Variants in PTPRD observed in about 807,000 individuals in gnomAD.
PTPRD encodes the protein receptor-type tyrosine-protein phosphatase delta.
PTPRD carries 34 observed loss-of-function variants against 214.5 expected under a neutral mutation model. That is an observed-to-expected ratio of 0.16 (90% CI 0.12 to 0.21). PTPRD has a LOEUF of 0.21. Ranked by LOEUF, PTPRD falls within the 10% of genes least tolerant of loss-of-function variation. The pLI, the probability that PTPRD is intolerant of heterozygous loss-of-function variation, is 1.00. For synonymous variants in PTPRD, 1,128 were observed against 845.7 expected, an observed-to-expected ratio of 1.33 and a Z score of -5.79; for missense variants, 2,545 against 2,398.7, an observed-to-expected ratio of 1.06 and a Z score of -1.27.
At chr9:9,044,673 C>G (rs1590395792) in intron 10 of PTPRD, among the ~76,000 whole-genome samples, 1 of 152,202 alleles carries the variant, frequency 6.6e-6, no homozygotes, top group African/African-American at 2.4e-5. Context: ...CAAGTCAATA[C>G]AAACTGACTA....
At chr9:9,592,375 CGTT>C (rs1250720045) in intron 7 of PTPRD, among the ~76,000 whole-genome samples, 11 of 151,992 alleles carry the variant, frequency 7.2e-5, no homozygotes, top group East Asian at 5.8e-4. Flanking sequence ...AACACACTGT[CGTT>C]GTGTTTCTTC....
rs373037014 is a variant in PTPRD at position 9,416,653 on chromosome 9, T to G, written c.-236-19171A>C. On this transcript the variant is annotated intron_variant, in intron 8 of 45. Transcript: ENST00000381196. The stretch of plus-strand genomic sequence containing the variant: ...CGTGCTCTCCCTTTTCCTCAGGACT[T>G]TAACATGCTCTGCTTTCTCCTAAGA... Among the ~76,000 whole-genome samples the G allele has an allele frequency of 5.1e-4, 78 of 152,258 alleles. 1 individual carries two copies. The South Asian group carries it at 0.015, about 30-fold the overall frequency.
chr9:8,787,247 T>C (rs1043690935), intron 11 of PTPRD, among the ~76,000 whole-genome samples: 3 of 152,324 alleles, frequency 2.0e-5, no homozygotes, highest in South Asian at 2.1e-4. Flanking sequence ...CAGATTTTTC[T>C]AGCAACACTT....
At chr9:8,678,965 T>C (rs1477477916) in intron 12 of PTPRD, among the ~76,000 whole-genome samples, 5 of 152,198 alleles carry the variant, frequency 3.3e-5, no homozygotes, top group Non-Finnish European at 7.3e-5. Flanking sequence ...GTGCCAATAA[T>C]ATCGAGAGCA....
At chr9:9,290,941 C>G (rs4313205) in intron 9 of PTPRD, among the ~76,000 whole-genome samples, 112,597 of 151,154 alleles carry the variant, frequency 0.74, 42,346 homozygotes, top group Non-Finnish European at 0.8. Context: ...ATGAATTGGT[C>G]ATAGAAATCA....
intron 14 of PTPRD, among the ~76,000 whole-genome samples, chr9:8,589,294 G>A (rs549135628): frequency 2.2e-4 from 34 of 152,158 alleles, no homozygotes; most frequent in African/African-American, 6.7e-4. Context: ...AATTTTAACC[G>A]ATAAACACTA....
chr9:8,843,686 G>A (rs1204607033), intron 11 of PTPRD, among the ~76,000 whole-genome samples: 1 of 152,162 alleles, frequency 6.6e-6, no homozygotes, highest in Non-Finnish European at 1.5e-5. Context: ...CTCATCTCCT[G>A]AGTTTTGATG....
At chr9:9,495,111 C>A (rs960920565) in intron 8 of PTPRD, among the ~76,000 whole-genome samples, 7 of 152,060 alleles carry the variant, frequency 4.6e-5, no homozygotes, top group African/African-American at 1.4e-4. Context: ...TAGATAGCCA[C>A]ATGCGAAACA....
chr9:10,152,478 G>A (rs12552107), intron 3 of PTPRD, among the ~76,000 whole-genome samples: 14,714 of 151,992 alleles, frequency 0.097, 805 homozygotes, highest in Admixed American at 0.15. Flanking sequence ...CTCTTAAAAC[G>A]TCTTTGAAAA....
rs1039209954 is a variant in PTPRD, at chr9:9,382,630, T to G, written c.-203+14819A>C. On this transcript the variant is annotated intron_variant, in intron 9 of 45. Coordinates refer to ENST00000381196, the MANE Select transcript of PTPRD (RefSeq NM_002839.4). Reference sequence around the variant, plus strand: ...CACTTCACATCTGTTAGGATGGTTTTATTGAGAAAGAGAGAGAGAGAATAA... The same window carrying G: ...CACTTCACATCTGTTAGGATGGTTTGATTGAGAAAGAGAGAGAGAGAATAA... Among the ~76,000 whole-genome samples, 13 of 152,096 alleles carry G rather than the reference T, an allele frequency of 8.5e-5. 1 individual carries two copies. Among genetic ancestry groups the G allele is most frequent in the African/African-American group, 3.1e-4 (13 of 41,430 alleles).
chr9:8,754,673 C>T (rs1270600910), intron 11 of PTPRD, among the ~76,000 whole-genome samples: 2 of 152,068 alleles, frequency 1.3e-5, no homozygotes, highest in East Asian at 3.9e-4. Context: ...ATCTTTGTAG[C>T]CTTTCTCAAA....
chr9:9,419,582 A>G (rs888033548), intron 8 of PTPRD, among the ~76,000 whole-genome samples: 3 of 151,832 alleles, frequency 2.0e-5, no homozygotes, highest in Non-Finnish European at 4.4e-5. Flanking sequence ...TATTGTTTAT[A>G]AACTTTAACA....
intron 2 of PTPRD, among the ~76,000 whole-genome samples, chr9:10,550,081 A>G (rs535644027): frequency 4.6e-5 from 7 of 152,308 alleles, no homozygotes; most frequent in Non-Finnish European, 1.0e-4. Context: ...CACAGATGAA[A>G]GAAGAGAAAA....
intron 11 of PTPRD, among the ~76,000 whole-genome samples, chr9:9,015,420 T>A (rs1459013770): frequency 1.3e-5 from 2 of 152,130 alleles, no homozygotes; most frequent in Non-Finnish European, 2.9e-5. Context: ...CCATGACAGT[T>A]TACAAATGCC....
intron 3 of PTPRD, among the ~76,000 whole-genome samples, chr9:10,224,634 T>G (rs2099582780): frequency 6.6e-6 from 1 of 152,062 alleles, no homozygotes; most frequent in African/African-American, 2.4e-5. Flanking sequence ...GATAGTTTCT[T>G]GTTAGAAAAA....
chr9:8,942,105 C>G (rs2099037695), intron 11 of PTPRD, among the ~76,000 whole-genome samples: 1 of 152,156 alleles, frequency 6.6e-6, no homozygotes, highest in Non-Finnish European at 1.5e-5. Context: ...TGCGCCTGGC[C>G]TATAATAAAG....
intron 5 of PTPRD, among the ~76,000 whole-genome samples, chr9:9,867,918 G>A (rs1291703956): frequency 6.6e-6 from 1 of 152,156 alleles, no homozygotes; most frequent in African/African-American, 2.4e-5. Context: ...AATCTGGAAG[G>A]AGCCAAACAT....
chr9:8,707,129 T>C lies in PTPRD; in HGVS notation c.64+26651A>G, dbSNP rs151236653. Among the ~76,000 whole-genome samples, 204 of 152,322 alleles carry C rather than the reference T, an allele frequency of 1.3e-3. 1 individual carries two copies. The highest frequency in any genetic ancestry group is 6.8e-3 in the Middle Eastern group (2 of 294). On this transcript the variant is annotated intron_variant, in intron 12 of 45. Coordinates refer to ENST00000381196, the MANE Select transcript of PTPRD (RefSeq NM_002839.4). ...CTTTATCCAAACTTTCTATTTTGAG[T>C]ATAGGACCTTAAGGACTATACTCTA...
chr9:9,829,393 T>C (rs942355587), intron 5 of PTPRD, among the ~76,000 whole-genome samples: 7 of 151,888 alleles, frequency 4.6e-5, no homozygotes, highest in African/African-American at 1.7e-4. Flanking sequence ...TAGTGAAATC[T>C]GTAATAAATG....
Sources: gnomAD v4.1 joint callset for allele counts (sites outside exome capture counted in the v4.1 genomes callset) on GRCh38, gnomAD v4.1.1 for gene constraint, MANE v1.5 for transcripts, NCBI Gene and HGNC (gene_info 2026-07-23, HGNC 2026-07-21) for gene names.